The following EDARADD variants were observed in gnomAD, a reference collection of about 807,000 sequenced individuals.
EDARADD encodes the protein EDAR associated via death domain.
In EDARADD, 20 loss-of-function variants were observed where a neutral mutation model predicts 25.6. The observed-to-expected ratio is 0.78, with a 90% CI of 0.55 to 1.14. The LOEUF (loss-of-function observed/expected upper bound fraction) is 1.14. Among genes scored for constraint, EDARADD ranks in the 50% most tolerant of loss-of-function variants. The probability of loss-of-function intolerance (pLI) is 0.00; values close to 1 mark genes in which losing one functional copy is unlikely to be tolerated. For missense variants in EDARADD, 225 were observed against 270.1 expected (o/e 0.83, Z 1.17); for synonymous variants, 86 against 94.4 (o/e 0.91, Z 0.52).
At chr1:236,426,747 T>A (rs1657930862) in intron 3 of EDARADD, among the ~76,000 whole-genome samples, 1 of 152,162 alleles carries the variant, frequency 6.6e-6, no homozygotes. Context: ...ATATCTTACT[T>A]AGCTTGGTGT....
At chr1:236,444,004 C>G (rs951338220) in intron 4 of EDARADD, among the ~76,000 whole-genome samples, 2 of 152,092 alleles carry the variant, frequency 1.3e-5, no homozygotes, top group Non-Finnish European at 2.9e-5. Flanking sequence ...CAACCACCAC[C>G]CTGAGCAGTC....
At chr1:236,439,731 A>T (rs1285090847) in intron 4 of EDARADD, among the ~76,000 whole-genome samples, 1 of 152,192 alleles carries the variant, frequency 6.6e-6, no homozygotes, top group Non-Finnish European at 1.5e-5. Context: ...GAGGTTTTAT[A>T]TATTTCAGAT....
At chr1:236,457,131 G>T (rs1257959788) in intron 4 of EDARADD, among the ~76,000 whole-genome samples, 2 of 152,138 alleles carry the variant, frequency 1.3e-5, no homozygotes, top group Non-Finnish European at 2.9e-5. Context: ...AAAAGCCATA[G>T]TACTCTGATT....
rs635487 is a variant in EDARADD, at chr1:236,427,516, T to G, written c.219+66T>G. Reference sequence around the variant, plus strand: ...ATAATCCACCTAAAATTTTTTGAGATTTATAGAGTTTTACAAATAAAAAAT... The same window carrying G: ...ATAATCCACCTAAAATTTTTTGAGAGTTATAGAGTTTTACAAATAAAAAAT... On this transcript the variant is annotated intron_variant, in intron 4 of 5. Coordinates refer to ENST00000334232, the MANE Select transcript of EDARADD (RefSeq NM_145861.4). 809,867 of 1,453,856 alleles carry G rather than the reference T, an allele frequency of 0.56. 232,345 individuals carry two copies. Among genetic ancestry groups the G allele is most frequent in the Non-Finnish European group, 0.6 (634,464 of 1,057,480 alleles). 90.1% of individuals were successfully genotyped at this position (1,453,856 alleles called of 1,614,324 possible). A position where few individuals can be genotyped will look rare whatever the true frequency, so the allele number is the denominator to read the frequency against.
intron 4 of EDARADD, among the ~76,000 whole-genome samples, chr1:236,435,498 C>T (rs146979713): frequency 1.3e-5 from 2 of 152,240 alleles, no homozygotes; most frequent in East Asian, 1.9e-4. Flanking sequence ...GGGAGGGCAT[C>T]GCTTCACATG....
intron 1 of EDARADD, chr1:236,348,587 CAGGGGGCTCTCCTCCTTCATG>C (rs1317410291): frequency 1.3e-5 from 2 of 152,322 alleles, no homozygotes; most frequent in Non-Finnish European, 2.9e-5. Flanking sequence ...CTTTTGCAAA[CAGGGGGCTCTCCTCCTTCATG>C]AGTCTTTCTG....
chr1:236,427,279 G>C (rs1254533073), intron 3 of EDARADD, 113 bp from the exon 4 acceptor site: 3 of 1,020,914 alleles, frequency 2.9e-6, no homozygotes, highest in Non-Finnish European at 4.4e-6. Flanking sequence ...GATTTTACCA[G>C]ATGCCAAGGC....
At chr1:236,425,969 TC>T (rs1159085534) in intron 3 of EDARADD, among the ~76,000 whole-genome samples, 3 of 151,424 alleles carry the variant, frequency 2.0e-5, no homozygotes, top group Admixed American at 6.6e-5. Context: ...ATTTTTCTTA[TC>T]TTTTTTTTTT....
At chr1:236,363,721 T>C (rs1000462924) in intron 3 of EDARADD, among the ~76,000 whole-genome samples, 1 of 151,982 alleles carries the variant, frequency 6.6e-6, no homozygotes, top group Non-Finnish European at 1.5e-5. Context: ...AAGAAGTAGA[T>C]CCACTTTAAA....
At chr1:236,420,338 C>T (rs554523104) in intron 3 of EDARADD, among the ~76,000 whole-genome samples, 2 of 152,294 alleles carry the variant, frequency 1.3e-5, no homozygotes, top group African/African-American at 4.8e-5. Flanking sequence ...TTACATGGTG[C>T]TAAAATTTCT....
chr1:236,399,990 A>G (rs1667587249), intron 1 of EDARADD, among the ~76,000 whole-genome samples: 1 of 152,236 alleles, frequency 6.6e-6, no homozygotes, highest in African/African-American at 2.4e-5. Flanking sequence ...CATTGGGCGC[A>G]GTACCCAGGA....
chr1:236,396,491 C>T (rs551260023), intron 1 of EDARADD, among the ~76,000 whole-genome samples: 2 of 152,274 alleles, frequency 1.3e-5, no homozygotes, highest in East Asian at 3.9e-4. Context: ...CCTGATATAA[C>T]CGTTTAGATA....
In EDARADD at chr1:236,468,243, G is replaced by A; in HGVS notation, c.232G>A (p.Gly78Ser). 6.2e-7 allele frequency: 1 copy of A among 1,614,112 alleles called. No individual in the cohort carries two copies. The highest frequency in any genetic ancestry group is 8.5e-7 in the Non-Finnish European group (1 of 1,179,966). The part of the protein sequence containing the change: ...SDMKNQGEEN[G>S]FPDSTGDPLP... Reference sequence around the variant, plus strand: ...TTTTGGTTTTTAGGGAGAAGAAAATGGCTTTCCAGATAGCACTGGAGATCC... The same window carrying A: ...TTTTGGTTTTTAGGGAGAAGAAAATAGCTTTCCAGATAGCACTGGAGATCC... Residue 78 changes from glycine (G) to serine (S), a missense_variant, in exon 5 of 6, where the codon GGC (glycine) becomes AGC (serine). Physicochemically the swap from Gly to Ser is moderately conservative, Grantham distance 56. Coordinates refer to ENST00000334232, the MANE Select transcript of EDARADD (RefSeq NM_145861.4).
At chr1:236,380,449 T>G (rs10802532) in intron 3 of EDARADD, among the ~76,000 whole-genome samples, 112,494 of 152,096 alleles carry the variant, frequency 0.74, 43,086 homozygotes, top group Middle Eastern at 0.87. Context: ...TGGAACAGAT[T>G]ACTGTGTGAA....
chr1:236,439,493 C>T (rs1008850217), intron 4 of EDARADD, among the ~76,000 whole-genome samples: 1 of 152,190 alleles, frequency 6.6e-6, no homozygotes, highest in Non-Finnish European at 1.5e-5. Context: ...TCCTGTTGCT[C>T]CACATCCTTG....
At chr1:236,390,961 T>TATTATTATTA (rs3050726), upstream of EDARADD, among the ~76,000 whole-genome samples, 3 of 151,464 alleles carry the variant, frequency 2.0e-5, no homozygotes, top group African/African-American at 2.4e-5. Flanking sequence ...TTATTATTAT[T>TATTATTATTA]TTTTGAGATG....
chr1:236,362,015 C>T (rs1667057195), intron 3 of EDARADD, among the ~76,000 whole-genome samples: 1 of 152,006 alleles, frequency 6.6e-6, no homozygotes, highest in African/African-American at 2.4e-5. Context: ...TGTCACTTTA[C>T]AGTCTCACAA....
intron 3 of EDARADD, among the ~76,000 whole-genome samples, chr1:236,354,216 A>AGTAGGTATTGTG (rs1666950280): frequency 6.6e-6 from 1 of 152,196 alleles, no homozygotes; most frequent in Non-Finnish European, 1.5e-5. Context: ...TACCCAGGAA[A>AGTAGGTATTGTG]CAAACCTTGG....
At position 236,484,262 on chromosome 1, in the gene EDARADD, T is replaced by C. The variant is rs61737025; in HGVS notation, c.*1613T>C. ...AGCTGGCCCAGGCCAATGGTTGGTG[T>C]GTCATGGTGCCTCATCATTCTGGGG... On this transcript the variant is annotated 3_prime_UTR_variant, in exon 6 of 6. Transcript: ENST00000334232. The surrounding 1 kb of genome is among the most constrained non-coding windows in gnomAD (Gnocchi z 4.1). 37,971 of 956,860 alleles carry C rather than the reference T, an allele frequency of 0.04. 979 individuals carry two copies. Among genetic ancestry groups the C allele is most frequent in the Admixed American group, 0.074 (4,333 of 58,822 alleles). 59.3% of individuals were successfully genotyped at this position (956,860 alleles called of 1,614,324 possible).
Sources: gnomAD v4.1 joint callset for allele counts (sites outside exome capture counted in the v4.1 genomes callset) on GRCh38, gnomAD v4.1.1 for gene constraint, Gnocchi (gnomAD v3.1) non-coding constraint, MANE v1.5 for transcripts, NCBI Gene and HGNC (gene_info 2026-07-23, HGNC 2026-07-21) for gene names.